Variants in PRSS23 observed in about 807,000 individuals in gnomAD.
PRSS23 encodes the protein protease, serine 23.
A neutral mutation model predicts 34.7 loss-of-function variants in PRSS23; 25 were observed. That is an observed-to-expected ratio of 0.72 (90% confidence interval 0.53 to 1.01). The LOEUF is 1.01. Among genes scored for constraint, PRSS23 ranks in the 50% least tolerant of loss-of-function variants. The pLI is 0.00. For synonymous variants in PRSS23, 176 were observed against 186.6 expected (o/e 0.94, Z 0.46); for missense variants, 445 against 475.6 (o/e 0.94, Z 0.60).
intron 2 of PRSS23, chr11:86,948,586 A>G (rs1949263795): frequency 6.6e-6 from 1 of 152,178 alleles, no homozygotes; most frequent in South Asian, 2.1e-4. Flanking sequence ...GATCAAATAC[A>G]CTTTGCCCTG....
chr11:86,893,378 CT>C (rs769085074), intron 2 of PRSS23, among the ~76,000 whole-genome samples: 3 of 152,224 alleles, frequency 2.0e-5, no homozygotes, highest in Non-Finnish European at 1.5e-5. Flanking sequence ...ATTATACTTA[CT>C]GTGTGTTATG....
chr11:86,938,447 C>A (rs1229214920), intron 2 of PRSS23, among the ~76,000 whole-genome samples: 1 of 152,040 alleles, frequency 6.6e-6, no homozygotes, highest in Non-Finnish European at 1.5e-5. Context: ...GAAAGAGCCT[C>A]CTGGCTCAGG....
intron 2 of PRSS23, among the ~76,000 whole-genome samples, chr11:86,850,009 A>G (rs1948517107): frequency 6.6e-6 from 1 of 152,234 alleles, no homozygotes; most frequent in Admixed American, 6.5e-5. Flanking sequence ...CAAAGAAATA[A>G]GAGAACGGAT....
intron 2 of PRSS23, among the ~76,000 whole-genome samples, chr11:86,876,553 A>T (rs1939095): frequency 6.6e-6 from 1 of 152,168 alleles, no homozygotes; most frequent in Admixed American, 6.5e-5. Flanking sequence ...CTCACTAACC[A>T]AAGTGTGGCC....
intron 2 of PRSS23, among the ~76,000 whole-genome samples, chr11:86,899,559 G>C (rs1948897931): frequency 6.6e-6 from 1 of 151,282 alleles, no homozygotes; most frequent in Non-Finnish European, 1.5e-5. Context: ...CTGTCACCCA[G>C]GCTGGCGTGC....
chr11:86,845,982 A>G (rs1008073430), intron 2 of PRSS23, among the ~76,000 whole-genome samples: 1 of 152,224 alleles, frequency 6.6e-6, no homozygotes, highest in Non-Finnish European at 1.5e-5. Context: ...ATGTCACAAA[A>G]TAATTTACTG....
At chr11:86,832,059 A>G (rs1271649105) in intron 2 of PRSS23, among the ~76,000 whole-genome samples, 6 of 152,016 alleles carry the variant, frequency 3.9e-5, no homozygotes. Context: ...TCCTAATGTC[A>G]CAGGGGATGT....
intron 2 of PRSS23, among the ~76,000 whole-genome samples, chr11:86,939,407 T>A (rs375607082): frequency 0.13 from 9,014 of 67,496 alleles, 513 homozygotes; most frequent in Non-Finnish European, 0.17. Context: ...AAAAAAAATA[T>A]ATATATATAT....
In PRSS23 at chr11:86,831,270, C is replaced by T. The variant is rs139384255; in HGVS notation, c.206+7677C>T. On this transcript the variant is annotated intron_variant, in intron 2 of 2. Transcript: ENST00000533902. ...CGGGTTTACACCTTTTTGTATTATT[C>T]GTAATATCCTAAGGGAATATTACTC... 4.3e-3 allele frequency among the ~76,000 whole-genome samples: 651 copies of T among 151,802 alleles called. 7 individuals carry two copies. Among genetic ancestry groups the T allele is most frequent in the African/African-American group, 0.015 (629 of 41,376 alleles).
intron 2 of PRSS23, among the ~76,000 whole-genome samples, chr11:86,920,179 G>A (rs78142315): frequency 0.035 from 5,375 of 152,232 alleles, 120 homozygotes; most frequent in South Asian, 0.087. Flanking sequence ...GCACTCCTAC[G>A]AATTTGTAAA....
rs1178864329 is a variant in PRSS23, at chr11:86,809,096, G to A, written c.*301G>A. The stretch of plus-strand genomic sequence containing the variant: ...ATTTGACAATTAAGTTAATCTTCAC[G>A]TTTTTGCAAACTTTGATTTTTATTT... On this transcript the variant is annotated 3_prime_UTR_variant, in exon 2 of 2. Coordinates refer to ENST00000280258, the MANE Select transcript of PRSS23 (RefSeq NM_007173.6). 1.5e-5 allele frequency: 4 copies of A among 270,242 alleles called. No individual in the cohort carries two copies. Among genetic ancestry groups the A allele is most frequent in the East Asian group, 1.5e-4 (2 of 13,130 alleles). The allele number at this position is 270,242 out of a possible 1,614,324, so 16.7% of individuals were successfully genotyped here.
At chr11:86,928,578 G>A (rs372310703) in intron 2 of PRSS23, among the ~76,000 whole-genome samples, 1 of 146,220 alleles carries the variant, frequency 6.8e-6, no homozygotes, top group Non-Finnish European at 1.5e-5. Flanking sequence ...GGGAGGCTGA[G>A]GCAGGAGAAT....
intron 2 of PRSS23, among the ~76,000 whole-genome samples, chr11:86,902,340 T>C (rs945166736): frequency 3.3e-5 from 5 of 152,226 alleles, no homozygotes; most frequent in African/African-American, 1.2e-4. Context: ...AGCTGGAGTC[T>C]TCTCTATCCT....
intron 2 of PRSS23, among the ~76,000 whole-genome samples, chr11:86,890,406 TTGA>T (rs1430901185): frequency 2.0e-5 from 3 of 152,196 alleles, no homozygotes; most frequent in African/African-American, 7.2e-5. Flanking sequence ...ACATCAGCTG[TTGA>T]TAACACCAGT....
intron 2 of PRSS23, among the ~76,000 whole-genome samples, chr11:86,871,392 C>A (rs1468463389): frequency 6.6e-6 from 1 of 152,190 alleles, no homozygotes; most frequent in Non-Finnish European, 1.5e-5. Context: ...GAACTCTTCT[C>A]TTTTAGGCCT....
chr11:86,940,477 A>G (rs1158950259), intron 2 of PRSS23, among the ~76,000 whole-genome samples: 1 of 152,012 alleles, frequency 6.6e-6, no homozygotes, highest in Non-Finnish European at 1.5e-5. Flanking sequence ...TCAGGCCTTC[A>G]TGGTTTCTCA....
exon 3 of PRSS23, chr11:86,952,122 T>C (rs1488462660): frequency 1.2e-6 from 2 of 1,613,626 alleles, no homozygotes; most frequent in African/African-American, 2.7e-5. Context: ...GCTGAGCGGC[T>C]GTATAAGCCA....
chr11:86,873,256 G>GTGTGTGTATA (rs142908794), intron 2 of PRSS23, among the ~76,000 whole-genome samples: 1 of 121,162 alleles, frequency 8.3e-6, no homozygotes, highest in Non-Finnish European at 1.6e-5. Context: ...ACATATATAT[G>GTGTGTGTATA]TATATATATA....
intron 2 of PRSS23, among the ~76,000 whole-genome samples, chr11:86,844,155 G>A (rs961235550): frequency 1.3e-5 from 2 of 152,170 alleles, no homozygotes; most frequent in Non-Finnish European, 2.9e-5. Context: ...TAAGCAAAGT[G>A]TCACAAGGAC....
Sources: gnomAD v4.1 joint callset for allele counts (sites outside exome capture counted in the v4.1 genomes callset) on GRCh38, gnomAD v4.1.1 for gene constraint, MANE v1.5 for transcripts, NCBI Gene and HGNC (gene_info 2026-07-23, HGNC 2026-07-21) for gene names.